CNTNAP3B: variants seen among roughly 807,000 people sequenced by gnomAD.
The protein encoded by CNTNAP3B is contactin associated protein family member 3B.
A neutral mutation model predicts 108.9 loss-of-function variants in CNTNAP3B; 25 were observed. The ratio of observed to expected loss-of-function variants is 0.23; its 90% CI spans 0.17 to 0.32. The LOEUF (loss-of-function observed/expected upper bound fraction) is 0.32. Among genes scored for constraint, CNTNAP3B ranks in the 10% least tolerant of loss-of-function variants. CNTNAP3B has a pLI of 1.00. For synonymous variants in CNTNAP3B, 103 were observed against 473.4 expected, an observed-to-expected ratio of 0.22 and a Z score of 10.16; for missense variants, 252 against 1,210.4, an observed-to-expected ratio of 0.21 and a Z score of 11.75.
chr9:41,928,588 C>T (rs1196748239), intron 15 of CNTNAP3B, among the ~76,000 whole-genome samples: 2 of 152,300 alleles, frequency 1.3e-5, no homozygotes, highest in Non-Finnish European at 2.9e-5. Context: ...CAGAGAGGCT[C>T]AGGCTCCTTG....
At chr9:41,928,232 C>T (rs1823872861) in intron 15 of CNTNAP3B, among the ~76,000 whole-genome samples, 1 of 152,344 alleles carries the variant, frequency 6.6e-6, no homozygotes, top group African/African-American at 2.4e-5. Flanking sequence ...AGTTAAAGAA[C>T]TTTATTGCTC....
intron 3 of CNTNAP3B, among the ~76,000 whole-genome samples, chr9:42,035,508 T>C (rs1277922594): frequency 6.8e-6 from 1 of 146,744 alleles, no homozygotes; most frequent in Non-Finnish European, 1.5e-5. Context: ...TCACTAAAGG[T>C]GGGACTTTGG....
chr9:41,972,799 T>A (rs749298820), intron 9 of CNTNAP3B, among the ~76,000 whole-genome samples: 1 of 137,512 alleles, frequency 7.3e-6, no homozygotes, highest in Non-Finnish European at 1.5e-5. Flanking sequence ...CACTAATCAT[T>A]AAGAAATAAA....
At chr9:41,952,085 A>T (rs1257828332) in intron 13 of CNTNAP3B, among the ~76,000 whole-genome samples, 1 of 152,272 alleles carries the variant, frequency 6.6e-6, no homozygotes, top group African/African-American at 2.4e-5. Flanking sequence ...AGGCAGAGGA[A>T]ATGGTCTGGC....
chr9:41,951,259 T>G, intron 13 of CNTNAP3B, among the ~76,000 whole-genome samples: 1 of 140,504 alleles, frequency 7.1e-6, no homozygotes, highest in South Asian at 2.3e-4. Context: ...TAAATTATCT[T>G]TTCAAAAGAG....
chr9:41,990,586 C>CT (rs1564168860), intron 8 of CNTNAP3B, among the ~76,000 whole-genome samples: 1 of 129,974 alleles, frequency 7.7e-6, no homozygotes, highest in African/African-American at 3.1e-5. Flanking sequence ...CAAAAGGAAT[C>CT]TTTTTTTGAG....
chr9:41,950,783 C>T (rs940466703), intron 13 of CNTNAP3B, among the ~76,000 whole-genome samples: 7 of 97,938 alleles, frequency 7.1e-5, no homozygotes, highest in South Asian at 6.6e-4. Flanking sequence ...TGAGACGGAA[C>T]GGAGTCTTGC....
intron 12 of CNTNAP3B, among the ~76,000 whole-genome samples, chr9:41,958,780 C>T (rs1362606763): frequency 6.6e-6 from 1 of 151,860 alleles, no homozygotes; most frequent in African/African-American, 2.4e-5. Context: ...TGAGGAAAGA[C>T]CTTGTTAAGA....
intron 15 of CNTNAP3B, among the ~76,000 whole-genome samples, chr9:41,924,389 C>A (rs1048868930): frequency 2.6e-5 from 4 of 152,304 alleles, no homozygotes; most frequent in Admixed American, 2.6e-4. Flanking sequence ...AGTTCAGAAT[C>A]ACCTCAAAGG....
intron 3 of CNTNAP3B, among the ~76,000 whole-genome samples, chr9:42,013,774 AAAC>A (rs1222145297): frequency 1.2e-5 from 1 of 86,258 alleles, no homozygotes; most frequent in Non-Finnish European, 2.2e-5. Flanking sequence ...AAATGACTAT[AAAC>A]ATGGCAACCT....
rs867415279 is a variant in CNTNAP3B at position 42,103,602 on chromosome 9, G to A, written c.196+1027C>T. Among the ~76,000 whole-genome samples the A allele has an allele frequency of 8.1e-5, 9 of 110,948 alleles. 1 individual carries two copies. Among genetic ancestry groups the A allele is most frequent in the Middle Eastern group, 4.2e-3 (1 of 236 alleles). 72.8% of individuals were successfully genotyped at this position (110,948 alleles called of 152,430 possible). A position where few individuals can be genotyped will look rare whatever the true frequency, so the allele number is the denominator to read the frequency against. On this transcript the variant is annotated intron_variant, in intron 2 of 23. Coordinates refer to ENST00000377561, the MANE Select transcript of CNTNAP3B (RefSeq NM_001201380.3). ...TACAAAAAATTAGTCAGGCCTGGTG[G>A]CGGGTGCCTGTAGTCCTAGCCACTT...
In CNTNAP3B at chr9:42,012,826, C is replaced by T. The variant is rs2118416686; in HGVS notation, c.538+552G>A. Among the ~76,000 whole-genome samples, 2 of 93,662 alleles carry T rather than the reference C, an allele frequency of 2.1e-5. 1 individual carries two copies. The highest frequency in any genetic ancestry group is 6.6e-4 in the South Asian group (2 of 3,016). 61.4% of individuals were successfully genotyped at this position (93,662 alleles called of 152,430 possible). On this transcript the variant is annotated intron_variant, in intron 4 of 23. Coordinates refer to ENST00000377561, the MANE Select transcript of CNTNAP3B (RefSeq NM_001201380.3). ...TTTGTTTGTGTTATATTCATGTCGG[C>T]CCCATCCTTTCCACTTTTATAACAA...
chr9:41,953,299 A>ACAGC lies in CNTNAP3B; in HGVS notation c.1960_1963dup (p.Val655GlyfsTer54), dbSNP rs780998184. 2.0e-4 allele frequency: 301 copies of ACAGC among 1,534,366 alleles called. No individual in the cohort carries two copies. The highest frequency in any genetic ancestry group is 6.6e-4 in the Middle Eastern group (3 of 4,542). ...CGCGCCCGCTGCGTACGCGAAGGAC[A>ACAGC]CAGCCGAGAGCGGGTGCCCGCTGGG... On this transcript the variant is annotated frameshift_variant, in exon 13 of 24. Coordinates refer to ENST00000377561, the MANE Select transcript of CNTNAP3B (RefSeq NM_001201380.3). LOFTEE classifies it high-confidence loss of function.
intron 3 of CNTNAP3B, among the ~76,000 whole-genome samples, chr9:42,019,737 G>A: frequency 6.9e-6 from 1 of 145,270 alleles, no homozygotes; most frequent in Admixed American, 6.9e-5. Flanking sequence ...CTCCAGCCTT[G>A]GTGACAGAGT....
At chr9:41,967,801 T>C (rs1248795821) in intron 10 of CNTNAP3B, among the ~76,000 whole-genome samples, 2 of 152,290 alleles carry the variant, frequency 1.3e-5, no homozygotes, top group Non-Finnish European at 2.9e-5. Context: ...GGGAATGAAA[T>C]AGTAAATAGC....
intron 3 of CNTNAP3B, among the ~76,000 whole-genome samples, chr9:42,018,518 C>A (rs1484655438): frequency 1.4e-5 from 2 of 147,236 alleles, no homozygotes; most frequent in East Asian, 2.0e-4. Context: ...AGCTGTTAAC[C>A]CTCTGCTGCT....
At chr9:41,944,485 G>T (rs1340791976) in intron 13 of CNTNAP3B, among the ~76,000 whole-genome samples, 1 of 152,286 alleles carries the variant, frequency 6.6e-6, no homozygotes, top group African/African-American at 2.4e-5. Context: ...AAAGTAGATT[G>T]TTATAGTGTA....
chr9:41,972,678 T>A lies in CNTNAP3B; in HGVS notation c.1478-2433A>T, dbSNP rs1167455590. On this transcript the variant is annotated intron_variant, in intron 9 of 23. Transcript: ENST00000377561. ...CATATTTGTTTAAAAGTTTGAAGAC[T>A]AAAATCTTTTATATTTTTATATTTA... Among the ~76,000 whole-genome samples the A allele has an allele frequency of 3.0e-5, 4 of 135,020 alleles. No homozygotes were observed. In the Admixed American group the frequency reaches 3.0e-4, roughly 10 times the overall value. The allele number at this position is 135,020 out of a possible 152,430, so 88.6% of individuals were successfully genotyped here.
chr9:42,097,047 C>G (rs1359892850), intron 2 of CNTNAP3B, among the ~76,000 whole-genome samples: 1 of 138,718 alleles, frequency 7.2e-6, no homozygotes, highest in Admixed American at 7.1e-5. Context: ...CCACTGTGCC[C>G]GGTCCCGCAC....
Sources: allele counts gnomAD v4.1 joint callset (sites outside exome capture counted in the v4.1 genomes callset), GRCh38; gene constraint gnomAD v4.1.1; transcripts MANE v1.5; gene names NCBI Gene and HGNC (gene_info 2026-07-23, HGNC 2026-07-21).